LRPPRC: variants seen among roughly 807,000 people sequenced by gnomAD.
LRPPRC encodes leucine-rich PPR motif-containing protein, mitochondrial.
LRPPRC carries 120 observed loss-of-function variants against 180.3 expected under a neutral mutation model. The ratio of observed to expected loss-of-function variants is 0.67; its 90% CI spans 0.57 to 0.77. The LOEUF (loss-of-function observed/expected upper bound fraction) is 0.77. LRPPRC is among the 30% of genes least tolerant of loss of function. LRPPRC has a pLI of 0.00. For synonymous variants in LRPPRC, 723 were observed against 600.0 expected, an observed-to-expected ratio of 1.21 and a Z score of -3.00; for missense variants, 2,012 against 1,657.2, an observed-to-expected ratio of 1.21 and a Z score of -3.72.
chr2:43,976,683 T>A (rs1345726845), intron 5 of LRPPRC, among the ~76,000 whole-genome samples: 2 of 149,724 alleles, frequency 1.3e-5, no homozygotes, highest in African/African-American at 2.5e-5. Flanking sequence ...CTTAAATGGT[T>A]AAGAACATTT....
intron 11 of LRPPRC, among the ~76,000 whole-genome samples, chr2:43,970,469 A>C (rs1031014360): frequency 6.6e-6 from 1 of 152,208 alleles, no homozygotes; most frequent in Non-Finnish European, 1.5e-5. Flanking sequence ...TTCTAATAAA[A>C]AATACAATTC....
At chr2:43,945,821 C>A (rs1558986523) in intron 21 of LRPPRC, among the ~76,000 whole-genome samples, 2 of 151,956 alleles carry the variant, frequency 1.3e-5, no homozygotes, top group African/African-American at 4.8e-5. Context: ...GTTATCAAGC[C>A]TCTTAAAACA....
At chr2:43,963,886 C>A in intron 11 of LRPPRC, 180 bp from the exon 12 acceptor site, 1 of 619,286 alleles carries the variant, frequency 1.6e-6, no homozygotes. Flanking sequence ...TTAACTCCTC[C>A]TTTCTTCATC....
chr2:43,960,143 G>C (rs1330124907), intron 13 of LRPPRC, among the ~76,000 whole-genome samples: 1 of 152,158 alleles, frequency 6.6e-6, no homozygotes, highest in Non-Finnish European at 1.5e-5. Flanking sequence ...ATAGATGTTA[G>C]TTTAAAAAAC....
intron 23 of LRPPRC, among the ~76,000 whole-genome samples, chr2:43,937,860 T>C (rs1312601141): frequency 6.6e-6 from 1 of 152,114 alleles, no homozygotes; most frequent in Non-Finnish European, 1.5e-5. Context: ...AAGGTAAAAA[T>C]TGCTTTACAA....
At chr2:43,921,518 C>T (rs1671699145) in intron 27 of LRPPRC, among the ~76,000 whole-genome samples, 1 of 151,862 alleles carries the variant, frequency 6.6e-6, no homozygotes, top group African/African-American at 2.4e-5. Flanking sequence ...AAGTATAAAA[C>T]AATCAAAACA....
At chr2:43,900,320 C>T (rs1670839355) in intron 32 of LRPPRC, among the ~76,000 whole-genome samples, 2 of 151,866 alleles carry the variant, frequency 1.3e-5, no homozygotes, top group African/African-American at 4.8e-5. Context: ...TTTACTGTTA[C>T]CATATGGCAT....
At position 43,886,625 on chromosome 2, in the gene LRPPRC, C is replaced by G. The variant is rs972741925; in HGVS notation, c.*1975G>C. 3 of 152,158 alleles carry G rather than the reference C, an allele frequency of 2.0e-5. No homozygotes were observed. The highest frequency in any genetic ancestry group is 7.2e-5 in the African/African-American group (3 of 41,434). The allele number at this position is 152,158 out of a possible 1,614,324, so 9.4% of individuals were successfully genotyped here. ...CCTCTGTACCACACTCACATTTTAC[C>G]AGAGTCCATATACAGGGCCAGTGTG... is the stretch of plus-strand genomic sequence containing the variant. On this transcript the variant is annotated 3_prime_UTR_variant, in exon 38 of 38. Transcript: ENST00000260665.
chr2:43,946,012 A>G (rs1409142204), intron 21 of LRPPRC, 101 bp downstream of exon 21: 11 of 1,256,870 alleles, frequency 8.8e-6, no homozygotes, highest in Non-Finnish European at 1.3e-5. Context: ...AATTTTTAAA[A>G]ATGACATTAT....
intron 14 of LRPPRC, among the ~76,000 whole-genome samples, chr2:43,953,584 G>GA (rs1474225071): frequency 6.6e-6 from 1 of 152,058 alleles, no homozygotes; most frequent in Non-Finnish European, 1.5e-5. Flanking sequence ...TTAAACCCAG[G>GA]AATCAATTAA....
chr2:43,908,640 G>A (rs1039622549), intron 30 of LRPPRC, among the ~76,000 whole-genome samples: 18 of 149,704 alleles, frequency 1.2e-4, no homozygotes, highest in African/African-American at 4.5e-4. Context: ...TCCTGCCTTG[G>A]CCTCCTGAGT....
intron 1 of LRPPRC, among the ~76,000 whole-genome samples, chr2:43,983,717 A>C (rs1231234320): frequency 6.6e-6 from 1 of 152,198 alleles, no homozygotes; most frequent in East Asian, 1.9e-4. Flanking sequence ...TTAAAAATAA[A>C]ACTTACATTT....
Position 43,916,866 on chromosome 2 carries a change from G to A in LRPPRC, c.3148+1159C>T, listed in dbSNP as rs980824128. ...AAACTGAGGTAGGATAACTGCTTAA[G>A]CCCACGAGGCGGGGGCTGCAATGAA... On this transcript the variant is annotated intron_variant, in intron 29 of 37. Transcript: ENST00000260665. Among the ~76,000 whole-genome samples the A allele has an allele frequency of 2.0e-5, 3 of 146,918 alleles. 1 individual carries two copies. The highest frequency in any genetic ancestry group is 4.3e-4 in the South Asian group (2 of 4,668).
intron 36 of LRPPRC, among the ~76,000 whole-genome samples, chr2:43,892,250 A>G (rs1437122159): frequency 6.6e-6 from 1 of 152,254 alleles, no homozygotes; most frequent in Non-Finnish European, 1.5e-5. Flanking sequence ...GATGTCATCA[A>G]AGATTTCATA....
chr2:43,938,505 C>G (rs1040990013), intron 23 of LRPPRC, among the ~76,000 whole-genome samples: 2 of 152,158 alleles, frequency 1.3e-5, no homozygotes, highest in African/African-American at 4.8e-5. Flanking sequence ...AAAATTCATT[C>G]TAGAATCTAG....
At chr2:43,945,465 C>G (rs1338873474) in intron 21 of LRPPRC, 48 bp from the exon 22 acceptor site, 5 of 1,046,362 alleles carry the variant, frequency 4.8e-6, no homozygotes, top group Non-Finnish European at 6.0e-6. Context: ...CAATTAACTG[C>G]TAAAAGAACA....
chr2:43,909,738 A>C (rs1046213264), intron 30 of LRPPRC, among the ~76,000 whole-genome samples: 3 of 152,062 alleles, frequency 2.0e-5, no homozygotes, highest in Non-Finnish European at 2.9e-5. Flanking sequence ...CTTATCCCCA[A>C]ACTCACTGAG....
At chr2:43,940,582 G>A (rs1321827274) in intron 23 of LRPPRC, among the ~76,000 whole-genome samples, 1 of 152,076 alleles carries the variant, frequency 6.6e-6, no homozygotes, top group Non-Finnish European at 1.5e-5. Context: ...ATCCTTAATG[G>A]AAAGCAGAAA....
chr2:43,908,069 CAACAAA>C (rs1426304444), intron 30 of LRPPRC, among the ~76,000 whole-genome samples: 4 of 151,984 alleles, frequency 2.6e-5, no homozygotes, highest in Non-Finnish European at 5.9e-5. Context: ...CAGGCCAATT[CAACAAA>C]AATCATCAGT....
Sources: allele counts gnomAD v4.1 joint callset (sites outside exome capture counted in the v4.1 genomes callset), GRCh38; gene constraint gnomAD v4.1.1; transcripts MANE v1.5; gene names NCBI Gene and HGNC (gene_info 2026-07-23, HGNC 2026-07-21).